RLIG1: variants seen among roughly 807,000 people sequenced by gnomAD.
The protein encoded by RLIG1 is RNA ligase 1.
chr12:88,036,011 T>C, the RLIG1 span: 1 of 1,492,684 alleles, frequency 6.7e-7, no homozygotes, highest in Non-Finnish European at 8.9e-7. Context: ...AATGGATAAC[T>C]CACATCCACA....
At chr12:88,048,427 C>G in the RLIG1 span, 5 of 1,316,066 alleles carry the variant, frequency 3.8e-6, no homozygotes, top group Non-Finnish European at 5.2e-6. Context: ...GTATAAAATG[C>G]AAATAAAATT....
the RLIG1 span, chr12:88,035,756 G>T: frequency 4.4e-5 from 69 of 1,576,252 alleles, no homozygotes; most frequent in Non-Finnish European, 5.1e-5. Flanking sequence ...GGAGCGCCGG[G>T]CAGGCTTGGC....
At chr12:88,048,616 A>G in the RLIG1 span, 1 of 395,894 alleles carries the variant, frequency 2.5e-6, no homozygotes, top group Admixed American at 4.6e-5. Flanking sequence ...ATCTCTAGCC[A>G]TAAAAACATA....
chr12:88,045,853 A>T, the RLIG1 span: 1 of 1,145,476 alleles, frequency 8.7e-7, no homozygotes, highest in Non-Finnish European at 1.3e-6. Flanking sequence ...TCAACTTAAA[A>T]AACATACACA....
the RLIG1 span, chr12:88,047,108 C>A: frequency 1.2e-6 from 1 of 852,672 alleles, no homozygotes; most frequent in Non-Finnish European, 1.8e-6. Flanking sequence ...TTTTCTCATC[C>A]CATGTACCAC....
chr12:88,039,534 A>C, the RLIG1 span, among the ~76,000 whole-genome samples: 14 of 152,186 alleles, frequency 9.2e-5, no homozygotes, highest in Non-Finnish European at 1.3e-4. Flanking sequence ...TTCTTCAGAC[A>C]CATCAAGAAA....
At chr12:88,045,939 AGAAAT>A in the RLIG1 span, among the ~76,000 whole-genome samples, 1 of 152,192 alleles carries the variant, frequency 6.6e-6, no homozygotes, top group Non-Finnish European at 1.5e-5. Flanking sequence ...ACATTCACAG[AGAAAT>A]GAAACCATTT....
the RLIG1 span, among the ~76,000 whole-genome samples, chr12:88,046,583 C>T: frequency 6.6e-6 from 1 of 152,112 alleles, no homozygotes; most frequent in Admixed American, 6.6e-5. Context: ...ACTTGACCTG[C>T]AGGTCATAGT....
At chr12:88,046,129 C>T in the RLIG1 span, among the ~76,000 whole-genome samples, 1 of 151,924 alleles carries the variant, frequency 6.6e-6, no homozygotes, top group South Asian at 2.1e-4. Context: ...TTTAAATAGC[C>T]AACGGTATAA....
At chr12:88,042,926 T>G in the RLIG1 span, 7 of 1,486,652 alleles carry the variant, frequency 4.7e-6, no homozygotes, top group African/African-American at 4.3e-5. Context: ...AAAAGGTTAG[T>G]TTTTTTTTAA....
the RLIG1 span, among the ~76,000 whole-genome samples, chr12:88,037,806 A>G: frequency 6.6e-6 from 1 of 152,214 alleles, no homozygotes; most frequent in Non-Finnish European, 1.5e-5. Context: ...ACTTTGTAAG[A>G]TGATGCTACT....
chr12:88,043,118 G>C, the RLIG1 span, among the ~76,000 whole-genome samples: 5 of 151,840 alleles, frequency 3.3e-5, no homozygotes, highest in East Asian at 9.6e-4. Flanking sequence ...CTTCTTTATA[G>C]TATGAGTCTA....
At chr12:88,042,766 T>G in the RLIG1 span, 1 of 1,101,830 alleles carries the variant, frequency 9.1e-7, no homozygotes, top group Non-Finnish European at 1.2e-6. Flanking sequence ...TATTCTGAAA[T>G]GTCTTTCAAG....
the RLIG1 span, among the ~76,000 whole-genome samples, chr12:88,036,423 T>G: frequency 2.0e-5 from 3 of 152,212 alleles, no homozygotes; most frequent in Admixed American, 6.5e-5. Context: ...CTTTGCTGAT[T>G]TCAAACAAAA....
At chr12:88,036,921 T>C in the RLIG1 span, among the ~76,000 whole-genome samples, 1 of 152,206 alleles carries the variant, frequency 6.6e-6, no homozygotes. Context: ...ATTTTCAACT[T>C]CGTATGTTTG....
the RLIG1 span, chr12:88,043,675 A>G: frequency 1.2e-6 from 2 of 1,613,192 alleles, no homozygotes; most frequent in South Asian, 2.2e-5. Context: ...CAGAACAAAT[A>G]AATGGGAACC....
At chr12:88,037,193 G>A in the RLIG1 span, among the ~76,000 whole-genome samples, 1 of 152,056 alleles carries the variant, frequency 6.6e-6, no homozygotes, top group Non-Finnish European at 1.5e-5. Context: ...GTTCACTCTG[G>A]ATCACCTCTA....
At chr12:88,035,834 A>G in the RLIG1 span, 8 of 1,539,718 alleles carry the variant, frequency 5.2e-6, 1 homozygote, top group African/African-American at 1.1e-4. Context: ...TGGGCGCTTT[A>G]GAACTGCCCT....
the RLIG1 span, chr12:88,050,002 A>G: frequency 1.1e-5 from 2 of 189,006 alleles, no homozygotes; most frequent in Non-Finnish European, 2.1e-5. Flanking sequence ...AAGAGGTAAA[A>G]CAGCAAATAT....
Sources: gnomAD v4.1 joint callset for allele counts (sites outside exome capture counted in the v4.1 genomes callset) on GRCh38, gnomAD v4.1.1 for gene constraint, MANE v1.5 for transcripts, NCBI Gene and HGNC (gene_info 2026-07-23, HGNC 2026-07-21) for gene names.